L3MBTL4: variants seen among roughly 807,000 people sequenced by gnomAD.
L3MBTL4 encodes L3MBTL histone methyl-lysine binding protein 4.
L3MBTL4 carries 70 observed loss-of-function variants against 84.5 expected under a neutral mutation model. That is an observed-to-expected ratio of 0.83 (90% CI 0.68 to 1.01). The LOEUF (loss-of-function observed/expected upper bound fraction) is 1.01, where lower values mean the gene tolerates loss of function less well. Among genes scored for constraint, L3MBTL4 ranks in the 50% least tolerant of loss-of-function variants. The pLI is 0.00. For missense variants in L3MBTL4, 715 were observed against 754.8 expected (o/e 0.95, Z 0.62); for synonymous variants, 274 against 259.8 (o/e 1.05, Z -0.52).
intron 14 of L3MBTL4, among the ~76,000 whole-genome samples, chr18:6,094,524 T>C (rs2058567880): frequency 6.6e-6 from 1 of 152,190 alleles, no homozygotes; most frequent in Non-Finnish European, 1.5e-5. Context: ...TATCACCGGC[T>C]ACACCTAGAG....
intron 4 of L3MBTL4, among the ~76,000 whole-genome samples, chr18:6,277,028 A>G (rs1372987670): frequency 1.3e-5 from 2 of 151,612 alleles, no homozygotes; most frequent in Non-Finnish European, 2.9e-5. Context: ...TCATTTCTAG[A>G]GTACAAGTTT....
chr18:6,090,533 T>C (rs1045471771), intron 15 of L3MBTL4, among the ~76,000 whole-genome samples: 1 of 151,332 alleles, frequency 6.6e-6, no homozygotes, highest in East Asian at 1.9e-4. Context: ...TTTATATTTT[T>C]CACTTGAATT....
At chr18:6,134,778 G>T (rs551259722) in intron 14 of L3MBTL4, among the ~76,000 whole-genome samples, 5 of 152,294 alleles carry the variant, frequency 3.3e-5, no homozygotes, top group African/African-American at 7.2e-5. Context: ...GCTTTCATAG[G>T]CTGGTGTTGA....
chr18:6,202,365 C>G (rs1317696175), intron 12 of L3MBTL4, among the ~76,000 whole-genome samples: 1 of 151,920 alleles, frequency 6.6e-6, no homozygotes, highest in Non-Finnish European at 1.5e-5. Context: ...CACTGAAGAG[C>G]TGATTCTTTT....
intron 16 of L3MBTL4, among the ~76,000 whole-genome samples, chr18:6,018,522 A>C (rs540980811): frequency 6.6e-6 from 1 of 152,296 alleles, no homozygotes; most frequent in East Asian, 1.9e-4. Context: ...ACCATGTACT[A>C]AAGACTTAGT....
At chr18:6,097,613 C>G (rs1474934940) in intron 14 of L3MBTL4, among the ~76,000 whole-genome samples, 1 of 152,114 alleles carries the variant, frequency 6.6e-6, no homozygotes, top group African/African-American at 2.4e-5. Flanking sequence ...ACAGGTAATC[C>G]ATTAAGCTCA....
At chr18:6,404,723 G>A (rs761054564) in intron 1 of L3MBTL4, among the ~76,000 whole-genome samples, 2 of 149,562 alleles carry the variant, frequency 1.3e-5, no homozygotes, top group Non-Finnish European at 3.0e-5. Context: ...GTCTCATTCT[G>A]TCACCTAGGC....
chr18:6,071,685 G>GAAAAAGAAGAAAGAAAGAAGGAAAA (rs2057613091), intron 16 of L3MBTL4, among the ~76,000 whole-genome samples: 1 of 64,170 alleles, frequency 1.6e-5, no homozygotes, highest in African/African-American at 8.9e-5. Context: ...AAGAAAGAGA[G>GAAAAAGAAGAAAGAAAGAAGGAAAA]AAAGAAAGAA....
chr18:5,977,011 C>T (rs935618795), intron 16 of L3MBTL4, among the ~76,000 whole-genome samples: 11 of 152,094 alleles, frequency 7.2e-5, no homozygotes, highest in Admixed American at 5.9e-4. Context: ...TTCAGGCATT[C>T]CTCTCCAACC....
At chr18:6,039,518 G>A (rs1333372890) in intron 16 of L3MBTL4, among the ~76,000 whole-genome samples, 3 of 152,162 alleles carry the variant, frequency 2.0e-5, no homozygotes, top group Admixed American at 2.0e-4. Context: ...TAAGGAAAGA[G>A]TGCCCTAGAT....
At chr18:6,106,019 A>C (rs2058993687) in intron 14 of L3MBTL4, among the ~76,000 whole-genome samples, 1 of 152,198 alleles carries the variant, frequency 6.6e-6, no homozygotes, top group Non-Finnish European at 1.5e-5. Context: ...TCCTTTATAT[A>C]TTAGCTCATG....
At chr18:6,304,959 T>C (rs909608885) in intron 3 of L3MBTL4, among the ~76,000 whole-genome samples, 1 of 152,230 alleles carries the variant, frequency 6.6e-6, no homozygotes, top group African/African-American at 2.4e-5. Context: ...CACACTTCTG[T>C]ATTTGCTACT....
intron 1 of L3MBTL4, among the ~76,000 whole-genome samples, chr18:6,393,589 C>G (rs139316278): frequency 5.9e-5 from 9 of 152,226 alleles, no homozygotes; most frequent in African/African-American, 1.9e-4. Context: ...ACTCTCAGGA[C>G]AGTTGCTTAA....
intron 12 of L3MBTL4, among the ~76,000 whole-genome samples, chr18:6,179,649 G>A (rs183081764): frequency 7.2e-5 from 11 of 152,250 alleles, no homozygotes; most frequent in African/African-American, 2.6e-4. Context: ...TATATTCCAG[G>A]GATAGTTGTA....
intron 1 of L3MBTL4, among the ~76,000 whole-genome samples, chr18:6,375,067 G>A (rs899849942): frequency 2.0e-5 from 3 of 152,052 alleles, no homozygotes; most frequent in African/African-American, 4.8e-5. Flanking sequence ...GCAGTGTAAC[G>A]CAGTCTGATC....
At chr18:6,378,581 T>C (rs2054467595) in intron 1 of L3MBTL4, among the ~76,000 whole-genome samples, 1 of 151,996 alleles carries the variant, frequency 6.6e-6, no homozygotes, top group Admixed American at 6.6e-5. Flanking sequence ...AGGGAATCCT[T>C]TCCCCATTGC....
chr18:6,310,073 T>G (rs1030071977), intron 3 of L3MBTL4, among the ~76,000 whole-genome samples: 11 of 152,144 alleles, frequency 7.2e-5, no homozygotes, highest in Non-Finnish European at 1.6e-4. Flanking sequence ...CTAACAAACC[T>G]CCAGGTGATG....
chr18:6,260,142 G>A (rs555786486), intron 5 of L3MBTL4: 13 of 152,136 alleles, frequency 8.5e-5, no homozygotes, highest in African/African-American at 2.4e-4. Flanking sequence ...CTGTTCCATT[G>A]TTCTATGTAT....
chr18:5,976,072 G>A (rs1046693054), intron 16 of L3MBTL4, among the ~76,000 whole-genome samples: 8 of 152,218 alleles, frequency 5.3e-5, no homozygotes, highest in Non-Finnish European at 8.8e-5. Context: ...GAAGTTGAAT[G>A]AAGAGCCTTG....
Sources: gnomAD v4.1 joint callset for allele counts (sites outside exome capture counted in the v4.1 genomes callset) on GRCh38, gnomAD v4.1.1 for gene constraint, MANE v1.5 for transcripts, NCBI Gene and HGNC (gene_info 2026-07-23, HGNC 2026-07-21) for gene names.